Variants in TAMM41 observed in about 807,000 individuals in gnomAD.
TAMM41 encodes TAM41 mitochondrial translocator assembly and maintenance homolog.
In TAMM41, 36 loss-of-function variants were observed where a neutral mutation model predicts 44.1. The observed-to-expected ratio is 0.82, with a 90% confidence interval of 0.63 to 1.08. TAMM41 has a LOEUF of 1.08. Among genes scored for constraint, TAMM41 ranks in the 50% least tolerant of loss-of-function variants. The pLI, the probability that TAMM41 is intolerant of heterozygous loss-of-function variation, is 0.00. For synonymous variants in TAMM41, 164 were observed against 153.1 expected, an observed-to-expected ratio of 1.07 and a Z score of -0.53; for missense variants, 417 against 404.3, an observed-to-expected ratio of 1.03 and a Z score of -0.27.
the TAMM41 span, among the ~76,000 whole-genome samples, chr3:11,745,222 T>C: frequency 6.6e-6 from 1 of 152,162 alleles, no homozygotes. Flanking sequence ...TCCCAGCTAC[T>C]TGGGAGGCTG....
chr3:11,803,263 G>A (rs749133799), intron 7 of TAMM41, among the ~76,000 whole-genome samples: 17 of 152,152 alleles, frequency 1.1e-4, no homozygotes, highest in Middle Eastern at 3.4e-3. Flanking sequence ...CAGAGATTCC[G>A]TCTCCAGCTA....
At chr3:11,802,318 T>C (rs554554912) in intron 7 of TAMM41, among the ~76,000 whole-genome samples, 69 of 151,968 alleles carry the variant, frequency 4.5e-4, no homozygotes, top group African/African-American at 1.6e-3. Flanking sequence ...ATAAACAAGA[T>C]ACAAGACAAG....
chr3:11,807,602 C>G (rs2077954523), intron 7 of TAMM41: 1 of 1,536,134 alleles, frequency 6.5e-7, no homozygotes, highest in African/African-American at 1.4e-5. Flanking sequence ...TCAGAAAATT[C>G]AGAAGGGCAG....
chr3:11,794,910 T>C (rs2077568553), intron 7 of TAMM41, among the ~76,000 whole-genome samples: 1 of 152,202 alleles, frequency 6.6e-6, no homozygotes, highest in African/African-American at 2.4e-5. Context: ...TAAGCAGATA[T>C]ATCGACAAAG....
At position 11,846,707 on chromosome 3, in the gene TAMM41, T is replaced by A; in HGVS notation, c.-71A>T. On this transcript the variant is annotated 5_prime_UTR_variant, in exon 1 of 8. Coordinates refer to ENST00000455809, the MANE Select transcript of TAMM41 (RefSeq NM_001284401.2). ...AACCGGGCGGGGAACAGACACCGGG[T>A]AGGCGGTTTAGGGTGGGAAATGGAA... 8 of 1,598,844 alleles carry A rather than the reference T, an allele frequency of 5.0e-6. No individual in the cohort carries two copies.
chr3:11,816,591 C>T (rs2078286018), intron 5 of TAMM41, among the ~76,000 whole-genome samples: 1 of 152,086 alleles, frequency 6.6e-6, no homozygotes, highest in African/African-American at 2.4e-5. Flanking sequence ...TGGCAAAACC[C>T]TGTCTCTACA....
the TAMM41 span, among the ~76,000 whole-genome samples, chr3:11,767,025 C>G: frequency 6.6e-6 from 1 of 152,112 alleles, no homozygotes; most frequent in Non-Finnish European, 1.5e-5. Flanking sequence ...ATTTCCCAAC[C>G]AGGATATTGA....
chr3:11,733,659 A>AT, the TAMM41 span, among the ~76,000 whole-genome samples: 10 of 151,092 alleles, frequency 6.6e-5, no homozygotes, highest in East Asian at 1.2e-3. Context: ...CACCGGGCTC[A>AT]TTTTTTTTCG....
rs373948457 is a variant in TAMM41 at position 11,839,214 on chromosome 3, A to G, written c.411+8T>C. On this transcript the variant is annotated splice_region_variant and intron_variant, in intron 3 of 7. Coordinates refer to ENST00000455809, the MANE Select transcript of TAMM41 (RefSeq NM_001284401.2). Reference sequence around the variant, plus strand: ...CATCCTTAACTGTGCAGCCTATAAAACACTCACCGGTTTTTGGAGTCGTCC... The same window carrying G: ...CATCCTTAACTGTGCAGCCTATAAAGCACTCACCGGTTTTTGGAGTCGTCC... The G allele has an allele frequency of 2.8e-5, 45 of 1,601,688 alleles. No homozygotes were observed. Among genetic ancestry groups the G allele is most frequent in the Non-Finnish European group, 3.8e-5 (45 of 1,169,512 alleles).
At chr3:11,776,194 T>G in the TAMM41 span, among the ~76,000 whole-genome samples, 2 of 151,662 alleles carry the variant, frequency 1.3e-5, no homozygotes, top group Non-Finnish European at 2.9e-5. Context: ...TTTGTATTTT[T>G]TTTTTAGTAG....
chr3:11,819,199 C>T (rs2078411258), intron 4 of TAMM41, among the ~76,000 whole-genome samples: 1 of 152,138 alleles, frequency 6.6e-6, no homozygotes, highest in South Asian at 2.1e-4. Flanking sequence ...CTGGAGCAAG[C>T]TTAAAGAAAT....
At chr3:11,744,501 C>T in the TAMM41 span, among the ~76,000 whole-genome samples, 1 of 151,814 alleles carries the variant, frequency 6.6e-6, no homozygotes, top group Non-Finnish European at 1.5e-5. Flanking sequence ...TTGAGACCAG[C>T]CTGGCCAACA....
intron 7 of TAMM41, among the ~76,000 whole-genome samples, chr3:11,792,828 G>A (rs548386453): frequency 2.0e-5 from 3 of 152,278 alleles, no homozygotes; most frequent in Non-Finnish European, 1.5e-5. Context: ...TAGGGAGGCC[G>A]AGGCGGGCAG....
downstream of TAMM41, among the ~76,000 whole-genome samples, chr3:11,786,292 A>ATTATTATTG (rs1264041829): frequency 2.1e-5 from 2 of 93,732 alleles, no homozygotes; most frequent in Admixed American, 2.0e-4. Flanking sequence ...TAATTTTATT[A>ATTATTATTG]TTATTATTAT....
the TAMM41 span, among the ~76,000 whole-genome samples, chr3:11,762,016 A>T: frequency 6.6e-6 from 1 of 151,652 alleles, no homozygotes; most frequent in Admixed American, 6.6e-5. Flanking sequence ...CCAGGCCCCA[A>T]TTTGAAGCAG....
chr3:11,784,796 C>CTTTTTTTTTTTTT, the TAMM41 span, among the ~76,000 whole-genome samples: 1 of 109,030 alleles, frequency 9.2e-6, no homozygotes, highest in Non-Finnish European at 1.8e-5. Context: ...CTTTTCTTTT[C>CTTTTTTTTTTTTT]TTTTTTTTTT....
the TAMM41 span, among the ~76,000 whole-genome samples, chr3:11,776,283 G>A: frequency 9.9e-5 from 15 of 151,876 alleles, no homozygotes; most frequent in Non-Finnish European, 2.2e-4. Flanking sequence ...CTCCCAAAGT[G>A]TTGGGATTAT....
the TAMM41 span, among the ~76,000 whole-genome samples, chr3:11,746,321 A>AAG: frequency 1.3e-5 from 2 of 150,398 alleles, no homozygotes. Context: ...AAAAAAAAAA[A>AAG]TTTAAACATG....
intron 4 of TAMM41, among the ~76,000 whole-genome samples, chr3:11,818,473 A>C (rs1244694810): frequency 6.6e-6 from 1 of 152,212 alleles, no homozygotes; most frequent in Non-Finnish European, 1.5e-5. Context: ...TAGAAAAAGT[A>C]AAAATACAAG....
Sources: gnomAD v4.1 joint callset for allele counts (sites outside exome capture counted in the v4.1 genomes callset) on GRCh38, gnomAD v4.1.1 for gene constraint, MANE v1.5 for transcripts, NCBI Gene and HGNC (gene_info 2026-07-23, HGNC 2026-07-21) for gene names.